Variants in ACTR3B observed in about 807,000 individuals in gnomAD.
ACTR3B encodes the protein actin related protein 3B, also known as actin-related protein 3B.
Under a neutral mutation model 59.0 loss-of-function variants are expected in ACTR3B, and 8 were observed. The ratio of observed to expected loss-of-function variants is 0.14; its 90% CI spans 0.08 to 0.24. ACTR3B has a LOEUF of 0.24. Ranked by LOEUF, ACTR3B falls within the 10% of genes least tolerant of loss-of-function variation. The pLI, the probability that ACTR3B is intolerant of heterozygous loss-of-function variation, is 1.00. For missense variants in ACTR3B, 245 were observed against 552.3 expected, an observed-to-expected ratio of 0.44 and a Z score of 5.58; for synonymous variants, 148 against 197.9, an observed-to-expected ratio of 0.75 and a Z score of 2.12.
At position 152,759,941 on chromosome 7, in the gene ACTR3B, G is replaced by A; in HGVS notation, c.44+15G>A. Reference sequence around the variant, plus strand: ...TGTGGCACCGGGTAAGAGCAGCTCGGCGCCCACCCCCGCTCCTCCGCGGCC... The same window carrying A: ...TGTGGCACCGGGTAAGAGCAGCTCGACGCCCACCCCCGCTCCTCCGCGGCC... On this transcript the variant is annotated intron_variant, in intron 1 of 11. Transcript: ENST00000256001. 7.3e-7 allele frequency: 1 copy of A among 1,370,610 alleles called. No homozygotes were observed. The highest frequency in any genetic ancestry group is 1.6e-5 in the South Asian group (1 of 63,026). The allele number at this position is 1,370,610 out of a possible 1,614,324, so 84.9% of individuals were successfully genotyped here.
intron 9 of ACTR3B, among the ~76,000 whole-genome samples, chr7:152,841,452 T>G (rs1797864652): frequency 6.9e-6 from 1 of 144,466 alleles, no homozygotes; most frequent in African/African-American, 2.5e-5. Context: ...TGGGGAGGAG[T>G]GAGTAGAGAT....
At chr7:152,809,043 G>C (rs987951803) in intron 4 of ACTR3B, among the ~76,000 whole-genome samples, 30 of 151,870 alleles carry the variant, frequency 2.0e-4, no homozygotes, top group African/African-American at 7.3e-4. Context: ...ACTTCTAACT[G>C]TGTTCTGGGC....
chr7:152,814,962 A>G (rs1795569613), intron 5 of ACTR3B, among the ~76,000 whole-genome samples: 1 of 151,916 alleles, frequency 6.6e-6, no homozygotes, highest in African/African-American at 2.4e-5. Context: ...TGATCAGAAA[A>G]ACAAAATAAT....
intron 1 of ACTR3B, among the ~76,000 whole-genome samples, chr7:152,772,825 C>T (rs1458951294): frequency 6.6e-6 from 1 of 151,078 alleles, no homozygotes; most frequent in East Asian, 1.9e-4. Context: ...TAAATACCGA[C>T]TCAACCTTAA....
intron 4 of ACTR3B, among the ~76,000 whole-genome samples, chr7:152,806,781 A>G (rs2098253447): frequency 6.6e-6 from 1 of 152,216 alleles, no homozygotes; most frequent in South Asian, 2.1e-4. Context: ...ATCCCTGTCC[A>G]CAAGGAAGTC....
chr7:152,773,239 G>A (rs1182994492), intron 1 of ACTR3B, among the ~76,000 whole-genome samples: 2 of 151,070 alleles, frequency 1.3e-5, no homozygotes, highest in African/African-American at 4.9e-5. Flanking sequence ...AACTATGGTA[G>A]TTACATATAA....
At chr7:152,767,377 C>T (rs2098113639) in intron 1 of ACTR3B, among the ~76,000 whole-genome samples, 1 of 152,152 alleles carries the variant, frequency 6.6e-6, no homozygotes, top group African/African-American at 2.4e-5. Context: ...CAGCACCACA[C>T]AGTTTTAATT....
In ACTR3B at chr7:152,795,866, C is replaced by A. The variant is rs192376014; in HGVS notation, c.101-4665C>A. On this transcript the variant is annotated intron_variant, in intron 2 of 11. Coordinates refer to ENST00000256001, the MANE Select transcript of ACTR3B (RefSeq NM_020445.6). The stretch of plus-strand genomic sequence containing the variant: ...CTCTTGTTTTTTTTTTTTTTGGAGG[C>A]GGTGTCTTGCTCTGTCACCCAGGCT... Among the ~76,000 whole-genome samples, 15 of 145,038 alleles carry A rather than the reference C, an allele frequency of 1.0e-4. No homozygotes were observed. In the East Asian group the frequency reaches 3.0e-3, roughly 29 times the overall value.
chr7:152,804,152 G>T (rs1238075804), intron 4 of ACTR3B, among the ~76,000 whole-genome samples: 1 of 152,168 alleles, frequency 6.6e-6, no homozygotes, highest in Non-Finnish European at 1.5e-5. Flanking sequence ...CAGAGACTCA[G>T]CTTACACTGG....
chr7:152,766,301 C>T (rs1386925729), intron 1 of ACTR3B, among the ~76,000 whole-genome samples: 6 of 152,186 alleles, frequency 3.9e-5, no homozygotes, highest in Non-Finnish European at 7.3e-5. Context: ...TGCAATGCTC[C>T]GTACCAGGGA....
rs541390295 is a variant in ACTR3B at position 152,854,697 on chromosome 7, C to T, written c.*144C>T. On this transcript the variant is annotated 3_prime_UTR_variant, in exon 12 of 12. Transcript: ENST00000256001. The surrounding 1 kb of genome is among the most constrained non-coding windows in gnomAD (Gnocchi z 4.9). Reference sequence around the variant, plus strand: ...TGCATTGCCGGTGCATGAGGCGCGGCGCGGGCCCTTCAGTAAAAGCCATTT... The same window carrying T: ...TGCATTGCCGGTGCATGAGGCGCGGTGCGGGCCCTTCAGTAAAAGCCATTT... The T allele has an allele frequency of 6.4e-6, 5 of 778,464 alleles. No homozygotes were observed. The highest frequency in any genetic ancestry group is 2.7e-5 in the East Asian group (1 of 36,594). The allele number at this position is 778,464 out of a possible 1,614,324, so 48.2% of individuals were successfully genotyped here. A position where few individuals can be genotyped will look rare whatever the true frequency, so the allele number is the denominator to read the frequency against.
rs1182081125 is a variant in ACTR3B at position 152,816,496 on chromosome 7, G to A, written c.448G>A (p.Ala150Thr). 4 of 1,596,258 alleles carry A rather than the reference G, an allele frequency of 2.5e-6. No homozygotes were observed. In the East Asian group the frequency reaches 6.7e-5, roughly 27 times the overall value. ...YIAVQAVLALAASWTSRQVGE... is the reference protein window; with the variant it reads ...YIAVQAVLALTASWTSRQVGE... ...TTTTCTCCAGGCAGTGCTGGCCTTG[G>A]CGGCATCTTGGACATCTCGACAAGT... is the stretch of plus-strand genomic sequence containing the variant. Residue 150 changes from alanine to threonine, a missense_variant, in exon 6 of 12, where the codon GCG becomes ACG. Physicochemically the swap from Ala to Thr is moderately conservative, Grantham distance 58. This residue lies in a region of ACTR3B where 40 missense variants were observed against 70.4 expected (regional missense o/e 0.57). Coordinates refer to ENST00000256001, the MANE Select transcript of ACTR3B (RefSeq NM_020445.6).
At chr7:152,831,867 A>G (rs1427278948) in intron 9 of ACTR3B, among the ~76,000 whole-genome samples, 2 of 152,158 alleles carry the variant, frequency 1.3e-5, no homozygotes, top group East Asian at 1.9e-4. Context: ...AACATTATCA[A>G]CTGGGGCTCC....
intron 10 of ACTR3B, among the ~76,000 whole-genome samples, chr7:152,853,077 T>C (rs112958791): frequency 0.079 from 11,976 of 152,002 alleles, 712 homozygotes; most frequent in African/African-American, 0.16. Context: ...AGGTGCGAGC[T>C]ACCACGCCCG....
chr7:152,790,176 A>G (rs1434718620), intron 2 of ACTR3B, among the ~76,000 whole-genome samples: 1 of 152,122 alleles, frequency 6.6e-6, no homozygotes, highest in Non-Finnish European at 1.5e-5. Context: ...AATTTTTCAT[A>G]GAGATGGGGT....
At chr7:152,759,954 C>T (rs1396460513) in intron 1 of ACTR3B, 28 bp downstream of exon 1, 1 of 1,346,718 alleles carries the variant, frequency 7.4e-7, no homozygotes, top group Admixed American at 3.0e-5. Context: ...CCCACCCCCG[C>T]TCCTCCGCGG....
intron 1 of ACTR3B, among the ~76,000 whole-genome samples, chr7:152,780,079 C>T (rs1219304806): frequency 2.6e-5 from 4 of 152,126 alleles, no homozygotes; most frequent in Non-Finnish European, 5.9e-5. Context: ...TAGGGCCAGG[C>T]ACGGTGGCTC....
intron 1 of ACTR3B, among the ~76,000 whole-genome samples, chr7:152,773,745 T>C (rs1435701834): frequency 6.6e-6 from 1 of 152,246 alleles, no homozygotes; most frequent in Non-Finnish European, 1.5e-5. Context: ...TTTATCATTG[T>C]ACTCTGACCC....
intron 1 of ACTR3B, among the ~76,000 whole-genome samples, chr7:152,772,029 C>T (rs77488829): frequency 7.3e-5 from 11 of 150,100 alleles, no homozygotes; most frequent in African/African-American, 2.5e-4. Context: ...CACGCCATTG[C>T]ACTTCAGCCT....
Sources: gnomAD v4.1 joint callset for allele counts (sites outside exome capture counted in the v4.1 genomes callset) on GRCh38, gnomAD v4.1.1 for gene constraint, gnomAD v4.1.1 regional missense constraint, Gnocchi (gnomAD v3.1) non-coding constraint, MANE v1.5 for transcripts, NCBI Gene and HGNC (gene_info 2026-07-23, HGNC 2026-07-21) for gene names.